Variants in D2HGDH observed in about 807,000 individuals in gnomAD.
D2HGDH encodes D-2-hydroxyglutarate dehydrogenase.
D2HGDH carries 31 observed loss-of-function variants against 46.9 expected under a neutral mutation model. That is an observed-to-expected ratio of 0.66 (90% CI 0.50 to 0.89). D2HGDH has a LOEUF of 0.89. D2HGDH is among the 40% of genes least tolerant of loss of function. The pLI is 0.00. For synonymous variants in D2HGDH, 364 were observed against 332.6 expected, an observed-to-expected ratio of 1.09 and a Z score of -1.03; for missense variants, 698 against 720.8, an observed-to-expected ratio of 0.97 and a Z score of 0.36.
intron 2 of D2HGDH, among the ~76,000 whole-genome samples, chr2:241,739,893 A>G (rs1693980038): frequency 6.6e-6 from 1 of 152,192 alleles, no homozygotes; most frequent in Non-Finnish European, 1.5e-5. Context: ...GCCTGTAACC[A>G]CAGCCCTTAG....
chr2:241,753,813 G>A (rs917404807), intron 8 of D2HGDH, among the ~76,000 whole-genome samples: 6 of 152,174 alleles, frequency 3.9e-5, no homozygotes, highest in East Asian at 1.9e-4. Context: ...GTGCCTGCCG[G>A]GCGACAGCAG....
At chr2:241,758,216 CT>C (rs1698377494) in intron 9 of D2HGDH, among the ~76,000 whole-genome samples, 1 of 152,120 alleles carries the variant, frequency 6.6e-6, no homozygotes, top group South Asian at 2.1e-4. Context: ...CTGTTCCACG[CT>C]GTTCCTTTCT....
chr2:241,738,970 T>G (rs1002099182), intron 2 of D2HGDH, among the ~76,000 whole-genome samples: 26 of 152,264 alleles, frequency 1.7e-4, no homozygotes, highest in African/African-American at 4.8e-4. Flanking sequence ...AGCATCATAT[T>G]CAAAAATCTA....
At chr2:241,737,302 C>T (rs1038142131) in intron 2 of D2HGDH, among the ~76,000 whole-genome samples, 4 of 152,186 alleles carry the variant, frequency 2.6e-5, no homozygotes, top group Non-Finnish European at 5.9e-5. Flanking sequence ...ATTCACAGGT[C>T]TTGGGGCATT....
chr2:241,753,962 G>A (rs1459235631), intron 8 of D2HGDH, among the ~76,000 whole-genome samples: 3 of 152,232 alleles, frequency 2.0e-5, no homozygotes, highest in African/African-American at 2.4e-5. Flanking sequence ...GGGGAGTGCC[G>A]GGAGGGCCGG....
intron 1 of D2HGDH, 40 bp downstream of exon 1, chr2:241,734,735 C>G (rs1392316593): frequency 1.3e-5 from 2 of 153,630 alleles, no homozygotes; most frequent in Non-Finnish European, 2.9e-5. Context: ...GGCTGAGGGT[C>G]CCGGTCTGCG....
At chr2:241,757,632 G>A (rs1198333038) in intron 9 of D2HGDH, among the ~76,000 whole-genome samples, 1 of 152,186 alleles carries the variant, frequency 6.6e-6, no homozygotes, top group East Asian at 1.9e-4. Flanking sequence ...CCATCTTGGT[G>A]AGAAATGGAA....
chr2:241,735,402 T>C lies in D2HGDH; in HGVS notation c.178T>C (p.Ser60Pro). 1.9e-6 allele frequency: 3 copies of C among 1,601,764 alleles called. No homozygotes were observed. Among genetic ancestry groups the C allele is most frequent in the Non-Finnish European group, 2.5e-6 (3 of 1,176,858 alleles). Residue 60 changes from serine (S) to proline (P), a missense_variant, in exon 2 of 10, where the codon TCC becomes CCC. By Grantham distance (74) the Ser-to-Pro change is moderately conservative (BLOSUM62 -1). Transcript: ENST00000321264. ...ERYPVRRLPF[S>P]TVSKQDLAAF... ...CTACCCCGTGCGGCGCTTGCCGTTC[T>C]CCACGGTGTCTAAGCAGGACCTGGC...
In D2HGDH at chr2:241,741,795, A is replaced by G. The variant is rs550385428; in HGVS notation, c.351-640A>G. Among the ~76,000 whole-genome samples the G allele has an allele frequency of 2.2e-5, 3 of 134,074 alleles. No homozygotes were observed. In the South Asian group the frequency reaches 7.3e-4, roughly 33 times the overall value. 88.0% of individuals were successfully genotyped at this position (134,074 alleles called of 152,430 possible). A position where few individuals can be genotyped will look rare whatever the true frequency, so the allele number is the denominator to read the frequency against. On this transcript the variant is annotated intron_variant, in intron 3 of 9. Coordinates refer to ENST00000321264, the MANE Select transcript of D2HGDH (RefSeq NM_152783.5). ...ACTTGCTGTCTCCAGGGTTTATTTC[A>G]TGTGTGGGGCTTGCTGCCTCCAGGG...
Position 241,744,879 on chromosome 2 carries a change from T to C in D2HGDH, c.853+2T>C, listed in dbSNP as rs1559364994. 6.2e-7 allele frequency: 1 copy of C among 1,613,926 alleles called. No homozygotes were observed. Among genetic ancestry groups the C allele is most frequent in the Non-Finnish European group, 8.5e-7 (1 of 1,179,942 alleles). On this transcript the variant is annotated splice_donor_variant, in intron 6 of 9. Transcript: ENST00000321264. LOFTEE classifies it high-confidence loss of function. ...GGGCTGTGAACGTGGCTTTCCTCGG[T>C]GGGCTTCCTCGATGTGTGCCTTGAG... is the stretch of plus-strand genomic sequence containing the variant.
At position 241,755,251 on chromosome 2, in the gene D2HGDH, A is replaced by G. The variant is rs768832546; in HGVS notation, c.1141-598A>G. On this transcript the variant is annotated intron_variant, in intron 8 of 9. Transcript: ENST00000321264. ...TCCTTCCCTCCCCCGTGGCCCACCC[A>G]CCATGTCCTTCCCTCCCCTGTGGCC... 8.1e-5 allele frequency: 54 copies of G among 669,558 alleles called. No individual in the cohort carries two copies. The South Asian group carries it at 1.1e-3, about 14-fold the overall frequency. 41.5% of individuals were successfully genotyped at this position (669,558 alleles called of 1,614,324 possible).
chr2:241,760,594 C>T (rs920471176), intron 9 of D2HGDH, among the ~76,000 whole-genome samples: 7 of 146,476 alleles, frequency 4.8e-5, no homozygotes, highest in African/African-American at 1.0e-4. Flanking sequence ...CGAAGTCCTT[C>T]GCCACAGTGT....
Position 241,763,901 on chromosome 2 carries a change from T to C in D2HGDH, c.1307-3809T>C, listed in dbSNP as rs377552223. The stretch of plus-strand genomic sequence containing the variant: ...CCCGCCGTTTCTACAAAAAAAATAA[T>C]CAGCCAGGCATGGTGGTACATGCCT... On this transcript the variant is annotated intron_variant, in intron 9 of 9. Coordinates refer to ENST00000321264, the MANE Select transcript of D2HGDH (RefSeq NM_152783.5). Among the ~76,000 whole-genome samples, 25 of 151,372 alleles carry C rather than the reference T, an allele frequency of 1.7e-4. No homozygotes were observed. In the East Asian group the frequency reaches 4.7e-3, roughly 28 times the overall value.
chr2:241,767,883 G>T lies in D2HGDH; in HGVS notation c.1480G>T (p.Ala494Ser), dbSNP rs1021760471. Residue 494 changes from alanine (A) to serine (S), a missense_variant, in exon 10 of 10, where the codon GCC becomes TCC. Transcript: ENST00000321264. ...CCTGGGCTACAGCAAGCCACCGGGGGCCCTGCAGCTCATGCAGCAGCTCAA... is the reference window on the plus strand; with the variant it reads ...CCTGGGCTACAGCAAGCCACCGGGGTCCCTGCAGCTCATGCAGCAGCTCAA... The part of the protein sequence containing the change: ...DVLGYSKPPG[A>S]LQLMQQLKAL... 6.2e-7 allele frequency: 1 copy of T among 1,608,288 alleles called. No individual in the cohort carries two copies. Among genetic ancestry groups the T allele is most frequent in the Admixed American group, 1.7e-5 (1 of 59,244 alleles).
chr2:241,753,076 G>T (rs1446207961), intron 8 of D2HGDH, among the ~76,000 whole-genome samples: 1 of 152,168 alleles, frequency 6.6e-6, no homozygotes, highest in Non-Finnish European at 1.5e-5. Flanking sequence ...AGGGCCGAAT[G>T]GGGCTGGTTC....
At chr2:241,748,788 C>T (rs34519321) in intron 6 of D2HGDH, 519,203 of 1,111,140 alleles carry the variant, frequency 0.47, 125,712 homozygotes, top group African/African-American at 0.79. Context: ...ACTCTCTGGG[C>T]GGCAGTGCCA....
Position 241,743,902 on chromosome 2 carries a change from T to C in D2HGDH, c.684+87T>C. The C allele has an allele frequency of 3.4e-6, 5 of 1,477,870 alleles. No homozygotes were observed. Among genetic ancestry groups the C allele is most frequent in the Middle Eastern group, 2.4e-4 (1 of 4,162 alleles). 91.5% of individuals were successfully genotyped at this position (1,477,870 alleles called of 1,614,324 possible). A position where few individuals can be genotyped will look rare whatever the true frequency, so the allele number is the denominator to read the frequency against. ...GGGCCCACGTGGTGGCACAGGTGCA[T>C]GGGGCCCCTCGGGGTGGGAGGTCTT... On this transcript the variant is annotated intron_variant, in intron 5 of 9. Transcript: ENST00000321264. This position sits in a 1 kb window ranked among gnomAD's most constrained non-coding sequence, Gnocchi z 4.8.
At chr2:241,760,771 A>T (rs939211116) in intron 9 of D2HGDH, among the ~76,000 whole-genome samples, 1 of 152,288 alleles carries the variant, frequency 6.6e-6, no homozygotes, top group African/African-American at 2.4e-5. Flanking sequence ...TCTGACCCAG[A>T]TGGAGACTCA....
rs745559435 is a variant in D2HGDH, at chr2:241,743,823, G to A, written c.684+8G>A. ...GTCCTGGGCCTGGAAGTGGTGAGCT[G>A]GGGCAGCTGCTTGGTGCAGAGGTCG... On this transcript the variant is annotated splice_region_variant and intron_variant, in intron 5 of 9. Transcript: ENST00000321264. This position sits in a 1 kb window ranked among gnomAD's most constrained non-coding sequence, Gnocchi z 4.8. The A allele has an allele frequency of 6.3e-6, 10 of 1,591,772 alleles. No individual in the cohort carries two copies. Among genetic ancestry groups the A allele is most frequent in the Non-Finnish European group, 8.5e-6 (10 of 1,169,860 alleles).
Sources: gnomAD v4.1 joint callset for allele counts (sites outside exome capture counted in the v4.1 genomes callset) on GRCh38, gnomAD v4.1.1 for gene constraint, Gnocchi (gnomAD v3.1) non-coding constraint, MANE v1.5 for transcripts, NCBI Gene and HGNC (gene_info 2026-07-23, HGNC 2026-07-21) for gene names.